The following KCNQ3 variants were observed in gnomAD, a reference collection of about 807,000 sequenced individuals.
KCNQ3 encodes potassium voltage-gated channel subfamily KQT member 3.
Under a neutral mutation model 92.5 loss-of-function variants are expected in KCNQ3, and 30 were observed. That is an observed-to-expected ratio of 0.32 (90% CI 0.24 to 0.44). The LOEUF (loss-of-function observed/expected upper bound fraction) is 0.44, where lower values mean the gene tolerates loss of function less well. Among genes scored for constraint, KCNQ3 ranks in the 20% least tolerant of loss-of-function variants. KCNQ3 has a pLI of 1.00. For missense variants in KCNQ3, 913 were observed against 1,140.3 expected (o/e 0.80, Z 2.87); for synonymous variants, 450 against 468.8 (o/e 0.96, Z 0.52).
chr8:132,290,942 TAGAG>T (rs1418922318), intron 1 of KCNQ3, among the ~76,000 whole-genome samples: 2 of 152,024 alleles, frequency 1.3e-5, no homozygotes, highest in South Asian at 2.1e-4. Context: ...GACCAACAGT[TAGAG>T]AGGAAGAAAA....
At chr8:132,214,846 T>C (rs963898205) in intron 1 of KCNQ3, among the ~76,000 whole-genome samples, 3 of 152,228 alleles carry the variant, frequency 2.0e-5, no homozygotes, top group Non-Finnish European at 4.4e-5. Context: ...ACCTGGGGCA[T>C]TGCCTGGGAT....
At chr8:132,325,708 G>A (rs79076691) in intron 1 of KCNQ3, among the ~76,000 whole-genome samples, 21 of 152,240 alleles carry the variant, frequency 1.4e-4, no homozygotes, top group East Asian at 9.7e-4. Flanking sequence ...TCAGAACTGC[G>A]GGAAAATACA....
chr8:132,263,377 C>T (rs1368800188), intron 1 of KCNQ3, among the ~76,000 whole-genome samples: 1 of 152,208 alleles, frequency 6.6e-6, no homozygotes, highest in African/African-American at 2.4e-5. Flanking sequence ...CCTCGACAGG[C>T]TTATCTGATG....
intron 1 of KCNQ3, among the ~76,000 whole-genome samples, chr8:132,305,153 A>G (rs1489540181): frequency 6.6e-6 from 1 of 152,224 alleles, no homozygotes; most frequent in Non-Finnish European, 1.5e-5. Context: ...AACAGTCACC[A>G]ATTTGCAAAA....
At chr8:132,152,677 G>A (rs764712789) in intron 9 of KCNQ3, among the ~76,000 whole-genome samples, 3 of 152,172 alleles carry the variant, frequency 2.0e-5, no homozygotes, top group Non-Finnish European at 2.9e-5. Context: ...CCTGTACAGG[G>A]TTCCTGACCT....
chr8:132,200,249 G>A (rs976061025), intron 1 of KCNQ3, among the ~76,000 whole-genome samples: 6 of 152,092 alleles, frequency 3.9e-5, no homozygotes, highest in Non-Finnish European at 5.9e-5. Context: ...ACCTAACCCA[G>A]GTGTTAGCAA....
chr8:132,480,045 A>C, intron 1 of KCNQ3, 102 bp downstream of exon 1: 1 of 1,170,454 alleles, frequency 8.5e-7, no homozygotes, highest in Non-Finnish European at 1.2e-6. Flanking sequence ...GCGGGAAAGC[A>C]TCCATGGGTC....
chr8:132,279,079 C>G (rs570519180), intron 1 of KCNQ3, among the ~76,000 whole-genome samples: 1 of 152,044 alleles, frequency 6.6e-6, no homozygotes, highest in African/African-American at 2.4e-5. Context: ...ATCAGCTGGG[C>G]TTGGTGGTGG....
intron 10 of KCNQ3, chr8:132,140,510 C>T (rs1225723401): frequency 2.9e-6 from 1 of 342,062 alleles, no homozygotes; most frequent in Non-Finnish European, 5.5e-6. Flanking sequence ...AGCCAGCAAA[C>T]AACACACACT....
chr8:132,183,775 CCT>C (rs1826868601), intron 3 of KCNQ3, among the ~76,000 whole-genome samples: 1 of 152,198 alleles, frequency 6.6e-6, no homozygotes, highest in South Asian at 2.1e-4. Flanking sequence ...GATCTGTGAT[CCT>C]CTGTTTCTAT....
At chr8:132,147,640 T>C (rs1825494655) in intron 9 of KCNQ3, among the ~76,000 whole-genome samples, 1 of 152,106 alleles carries the variant, frequency 6.6e-6, no homozygotes, top group African/African-American at 2.4e-5. Flanking sequence ...GATGAATGGA[T>C]GGATGAAGAT....
In KCNQ3 at chr8:132,170,045, G is replaced by A. The variant is rs537194197; in HGVS notation, c.1235+289C>T. 3.3e-5 allele frequency among the ~76,000 whole-genome samples: 5 copies of A among 151,954 alleles called. No homozygotes were observed. In the South Asian group the frequency reaches 1.0e-3, roughly 32 times the overall value. ...ACACCACCACGCCCGGCTAATTTTT[G>A]CATTTTTAGTAGGAACGGGATTTCA... On this transcript the variant is annotated intron_variant, in intron 8 of 14. Transcript: ENST00000388996.
At chr8:132,370,230 G>A (rs183230681) in intron 1 of KCNQ3, among the ~76,000 whole-genome samples, 17 of 152,254 alleles carry the variant, frequency 1.1e-4, no homozygotes, top group East Asian at 1.9e-4. Context: ...AATAAACAGC[G>A]AATTTGTATT....
intron 1 of KCNQ3, among the ~76,000 whole-genome samples, chr8:132,205,830 C>A (rs556149272): frequency 2.6e-5 from 4 of 152,122 alleles, no homozygotes; most frequent in Admixed American, 6.5e-5. Context: ...GGGGACAGCA[C>A]CCTGCTTCTA....
intron 1 of KCNQ3, among the ~76,000 whole-genome samples, chr8:132,367,490 G>C (rs1819354139): frequency 6.6e-6 from 1 of 152,234 alleles, no homozygotes; most frequent in South Asian, 2.1e-4. Flanking sequence ...CAAGATCTTA[G>C]AGTCTAGCAT....
At position 132,140,136 on chromosome 8, in the gene KCNQ3, C is replaced by T; in HGVS notation, c.1508G>A (p.Gly503Glu). The change falls in exon 11 of 15, where the codon GGG becomes GAG. Residue 503 changes from glycine to glutamate, a missense_variant. Coordinates refer to ENST00000388996, the MANE Select transcript of KCNQ3 (RefSeq NM_004519.4). ...CATGTCTTCGATGGGGAAGTCATTC[C>T]CATAGCCCCTGTCTTCCGCCATGGG... is the stretch of plus-strand genomic sequence containing the variant. ...GDPMAEDRGY[G>E]NDFPIEDMIP... The T allele has an allele frequency of 6.2e-7, 1 of 1,613,248 alleles. No individual in the cohort carries two copies. Among genetic ancestry groups the T allele is most frequent in the Non-Finnish European group, 8.5e-7 (1 of 1,179,788 alleles).
At position 132,198,372 on chromosome 8, in the gene KCNQ3, G is replaced by T. The variant is rs185757264; in HGVS notation, c.387-12191C>A. Among the ~76,000 whole-genome samples the T allele has an allele frequency of 4.9e-4, 74 of 152,318 alleles. No individual in the cohort carries two copies. In the East Asian group the frequency reaches 8.7e-3, roughly 18 times the overall value. ...GTGGGAGATAATAAATGTGTGTTGT[G>T]TTTAGCTAAGTTTTGTGGCAGTTTG... On this transcript the variant is annotated intron_variant, in intron 1 of 14. Transcript: ENST00000388996.
chr8:132,333,351 A>G (rs1818281869), intron 1 of KCNQ3, among the ~76,000 whole-genome samples: 1 of 152,178 alleles, frequency 6.6e-6, no homozygotes, highest in Non-Finnish European at 1.5e-5. Context: ...AATATTTAAA[A>G]CATTTCCATA....
chr8:132,130,323 T>G (rs1824841213), intron 14 of KCNQ3, among the ~76,000 whole-genome samples: 1 of 152,174 alleles, frequency 6.6e-6, no homozygotes, highest in Admixed American at 6.5e-5. Flanking sequence ...GTGATCCACC[T>G]GCCTTGGCCT....
Sources: gnomAD v4.1 joint callset for allele counts (sites outside exome capture counted in the v4.1 genomes callset) on GRCh38, gnomAD v4.1.1 for gene constraint, MANE v1.5 for transcripts, NCBI Gene and HGNC (gene_info 2026-07-23, HGNC 2026-07-21) for gene names.